Variants in SPAG16 observed in about 807,000 individuals in gnomAD.
SPAG16 encodes the protein sperm associated antigen 16, also known as sperm-associated antigen 16 protein.
Under a neutral mutation model 80.4 loss-of-function variants are expected in SPAG16, and 86 were observed. That is an observed-to-expected ratio of 1.07 (90% CI 0.90 to 1.28). The LOEUF (loss-of-function observed/expected upper bound fraction) is 1.28, where lower values mean the gene tolerates loss of function less well. Among genes scored for constraint, SPAG16 ranks in the 50% most tolerant of loss-of-function variants. The pLI, the probability that SPAG16 is intolerant of heterozygous loss-of-function variation, is 0.00. For synonymous variants in SPAG16, 294 were observed against 265.9 expected, an observed-to-expected ratio of 1.11 and a Z score of -1.03; for missense variants, 870 against 765.3, an observed-to-expected ratio of 1.14 and a Z score of -1.61.
At chr2:214,271,082 A>G (rs1347822587) in intron 15 of SPAG16, among the ~76,000 whole-genome samples, 1 of 152,194 alleles carries the variant, frequency 6.6e-6, no homozygotes, top group East Asian at 1.9e-4. Flanking sequence ...TTAAGCAGTA[A>G]ATTAATTTGA....
At chr2:213,613,695 C>T (rs904552572) in intron 10 of SPAG16, among the ~76,000 whole-genome samples, 1 of 151,624 alleles carries the variant, frequency 6.6e-6, no homozygotes, top group Non-Finnish European at 1.5e-5. Context: ...TTCTCTGCCT[C>T]TTCTCTAGAA....
Position 213,284,471 on chromosome 2 carries a change from C to G in SPAG16, c.-13C>G, listed in dbSNP as rs946199731. 1.0e-5 allele frequency: 16 copies of G among 1,557,662 alleles called. No homozygotes were observed. The East Asian group carries it at 2.9e-4, about 28-fold the overall frequency. On this transcript the variant is annotated 5_prime_UTR_variant, in exon 1 of 16. Transcript: ENST00000331683. ...TGTGGGCCTGCTGGGGGTGGGGGCCCGAAGCGCCAGAGATGGCTGCTCAGC... is the reference window on the plus strand; with the variant it reads ...TGTGGGCCTGCTGGGGGTGGGGGCCGGAAGCGCCAGAGATGGCTGCTCAGC...
chr2:214,288,593 AT>A (rs558880325), intron 15 of SPAG16, among the ~76,000 whole-genome samples: 2 of 151,598 alleles, frequency 1.3e-5, no homozygotes, highest in African/African-American at 4.8e-5. Flanking sequence ...CATCTATTAA[AT>A]TTTTTTTGTC....
intron 10 of SPAG16, among the ~76,000 whole-genome samples, chr2:213,686,828 C>A (rs145155713): frequency 6.6e-6 from 1 of 151,494 alleles, no homozygotes; most frequent in Non-Finnish European, 1.5e-5. Flanking sequence ...GGACAACAGG[C>A]GCGTGCCACC....
intron 15 of SPAG16, among the ~76,000 whole-genome samples, chr2:214,299,924 G>C (rs556083805): frequency 1.5e-3 from 229 of 152,250 alleles, no homozygotes; most frequent in Non-Finnish European, 1.7e-3. Context: ...ACTTTGTAAA[G>C]AAATTGCATA....
chr2:213,654,478 C>T (rs2063139791), intron 10 of SPAG16, among the ~76,000 whole-genome samples: 1 of 136,292 alleles, frequency 7.3e-6, no homozygotes, highest in Admixed American at 8.8e-5. Flanking sequence ...GGGTGGATCA[C>T]AAGGTCAGAA....
chr2:213,310,254 C>A, intron 4 of SPAG16, 77 bp downstream of exon 4: 1 of 968,148 alleles, frequency 1.0e-6, no homozygotes, highest in South Asian at 1.6e-5. Context: ...TCTTAGGAGA[C>A]TTTGAAATGA....
At chr2:213,942,153 G>T (rs1168357718) in intron 12 of SPAG16, among the ~76,000 whole-genome samples, 1 of 151,700 alleles carries the variant, frequency 6.6e-6, no homozygotes, top group East Asian at 1.9e-4. Flanking sequence ...CACATTTCTT[G>T]CCTGTCAAAA....
chr2:214,037,890 T>TGA (rs1158332617), intron 13 of SPAG16, among the ~76,000 whole-genome samples: 1 of 151,468 alleles, frequency 6.6e-6, no homozygotes, highest in Non-Finnish European at 1.5e-5. Context: ...TGTGTGTGTG[T>TGA]GTGTGTGTGT....
At chr2:213,699,580 C>G (rs1356978908) in intron 10 of SPAG16, among the ~76,000 whole-genome samples, 4 of 152,096 alleles carry the variant, frequency 2.6e-5, no homozygotes, top group African/African-American at 9.7e-5. Flanking sequence ...GTCTAGTATG[C>G]TTATGGAAAA....
intron 10 of SPAG16, among the ~76,000 whole-genome samples, chr2:213,639,318 G>C (rs1199199600): frequency 6.6e-6 from 1 of 152,118 alleles, no homozygotes; most frequent in Non-Finnish European, 1.5e-5. Context: ...TTTTTGTATT[G>C]TGTTGTTGTT....
intron 12 of SPAG16, among the ~76,000 whole-genome samples, chr2:213,968,139 C>CTCTCT (rs1287056594): frequency 6.8e-6 from 1 of 146,110 alleles, no homozygotes; most frequent in Admixed American, 7.0e-5. Flanking sequence ...TTCTCTCTGT[C>CTCTCT]TCTCTTCTCT....
intron 9 of SPAG16, among the ~76,000 whole-genome samples, chr2:213,440,352 A>C (rs946494473): frequency 6.6e-6 from 1 of 152,056 alleles, no homozygotes. Context: ...GATTGAGACC[A>C]TCCTGGCTAA....
intron 11 of SPAG16, among the ~76,000 whole-genome samples, chr2:213,891,918 G>A (rs2076798149): frequency 6.6e-6 from 1 of 152,138 alleles, no homozygotes; most frequent in Non-Finnish European, 1.5e-5. Flanking sequence ...ATATTGGGTA[G>A]CCTGGCAGGA....
chr2:213,596,596 G>C (rs2060891824), intron 10 of SPAG16, among the ~76,000 whole-genome samples: 1 of 152,104 alleles, frequency 6.6e-6, no homozygotes. Flanking sequence ...CGTACTTTTA[G>C]ATACTTTATT....
At chr2:213,827,603 A>T (rs971337307) in intron 10 of SPAG16, among the ~76,000 whole-genome samples, 2 of 152,098 alleles carry the variant, frequency 1.3e-5, no homozygotes, top group Admixed American at 1.3e-4. Context: ...CTGATTCTTT[A>T]CTATTACCAG....
chr2:213,726,344 C>G (rs1343441627), intron 10 of SPAG16, among the ~76,000 whole-genome samples: 1 of 152,178 alleles, frequency 6.6e-6, no homozygotes, highest in Admixed American at 6.5e-5. Flanking sequence ...TGGATTGATT[C>G]CTACCCTTCA....
At chr2:214,122,994 A>G (rs1228470625) in intron 14 of SPAG16, among the ~76,000 whole-genome samples, 1 of 151,966 alleles carries the variant, frequency 6.6e-6, no homozygotes, top group Non-Finnish European at 1.5e-5. Context: ...TTTAAACTAA[A>G]TATTTTATGA....
At chr2:213,801,555 C>T (rs564964725) in intron 10 of SPAG16, among the ~76,000 whole-genome samples, 2 of 152,180 alleles carry the variant, frequency 1.3e-5, no homozygotes, top group Admixed American at 6.5e-5. Flanking sequence ...ACTGTCCAAA[C>T]AAATGTCTTC....
Sources: gnomAD v4.1 joint callset for allele counts (sites outside exome capture counted in the v4.1 genomes callset) on GRCh38, gnomAD v4.1.1 for gene constraint, MANE v1.5 for transcripts, NCBI Gene and HGNC (gene_info 2026-07-23, HGNC 2026-07-21) for gene names.